The following RCAN2 variants were observed in gnomAD, a reference collection of about 807,000 sequenced individuals.
The protein encoded by RCAN2 is calcipressin-2.
In RCAN2, 9 loss-of-function variants were observed where a neutral mutation model predicts 23.6. That is an observed-to-expected ratio of 0.38 (90% confidence interval 0.23 to 0.67). The LOEUF (loss-of-function observed/expected upper bound fraction) is 0.67. Among genes scored for constraint, RCAN2 ranks in the 30% least tolerant of loss-of-function variants. The pLI is 0.51. For synonymous variants in RCAN2, 109 were observed against 115.7 expected (o/e 0.94, Z 0.37); for missense variants, 273 against 302.3 (o/e 0.90, Z 0.72).
At chr6:46,388,912 A>G (rs1180621154) in intron 2 of RCAN2, among the ~76,000 whole-genome samples, 1 of 152,186 alleles carries the variant, frequency 6.6e-6, no homozygotes, top group Non-Finnish European at 1.5e-5. Flanking sequence ...GCGTATACCT[A>G]TGTAACAAAC....
intron 1 of RCAN2, among the ~76,000 whole-genome samples, chr6:46,476,929 G>A (rs1454160479): frequency 6.6e-6 from 1 of 152,176 alleles, no homozygotes; most frequent in African/African-American, 2.4e-5. Context: ...GAAAGGAACT[G>A]AAGGTTGGGT....
At chr6:46,406,063 G>A (rs1413258400) in intron 2 of RCAN2, among the ~76,000 whole-genome samples, 3 of 152,188 alleles carry the variant, frequency 2.0e-5, no homozygotes, top group South Asian at 2.1e-4. Context: ...CTCCGAATGC[G>A]GGGCCCGCCA....
intron 4 of RCAN2, among the ~76,000 whole-genome samples, chr6:46,246,419 G>C (rs1003529104): frequency 2.0e-5 from 3 of 152,134 alleles, no homozygotes; most frequent in Non-Finnish European, 4.4e-5. Context: ...CATTTTGTCT[G>C]TTCTGAGGAA....
intron 2 of RCAN2, among the ~76,000 whole-genome samples, chr6:46,313,037 C>T (rs976348996): frequency 2.0e-5 from 3 of 152,176 alleles, no homozygotes; most frequent in Admixed American, 1.3e-4. Context: ...TGTAATACTA[C>T]GTTCATCCAG....
Position 46,222,996 on chromosome 6 carries a change from C to A in RCAN2, c.*145G>T. The A allele has an allele frequency of 1.3e-6, 1 of 782,610 alleles. No individual in the cohort carries two copies. Among genetic ancestry groups the A allele is most frequent in the East Asian group, 2.5e-5 (1 of 39,974 alleles). 48.5% of individuals were successfully genotyped at this position (782,610 alleles called of 1,614,324 possible). A position where few individuals can be genotyped will look rare whatever the true frequency, so the allele number is the denominator to read the frequency against. Reference sequence around the variant, plus strand: ...AGGAGACATATCACCTTTTCCTAGCCCTTTTGTCCGAGAGGCTTGATAACA... The same window carrying A: ...AGGAGACATATCACCTTTTCCTAGCACTTTTGTCCGAGAGGCTTGATAACA... On this transcript the variant is annotated 3_prime_UTR_variant, in exon 5 of 5. Coordinates refer to ENST00000371374, the MANE Select transcript of RCAN2 (RefSeq NM_001251974.2).
At chr6:46,396,965 G>C (rs1257649964) in intron 2 of RCAN2, among the ~76,000 whole-genome samples, 1 of 151,932 alleles carries the variant, frequency 6.6e-6, no homozygotes, top group Non-Finnish European at 1.5e-5. Context: ...ACAAAAATTA[G>C]CTGGGTGTGG....
intron 2 of RCAN2, among the ~76,000 whole-genome samples, chr6:46,384,519 A>G (rs2150395031): frequency 6.6e-6 from 1 of 152,318 alleles, no homozygotes; most frequent in East Asian, 1.9e-4. Flanking sequence ...CCTAAGGCCA[A>G]TGTAATTTTT....
intron 2 of RCAN2, among the ~76,000 whole-genome samples, chr6:46,292,437 T>G (rs200344827): frequency 2.2e-4 from 4 of 17,942 alleles, no homozygotes; most frequent in Admixed American, 1.1e-3. Context: ...TTTTTTTTTT[T>G]GTTTTTTTTT....
chr6:46,366,384 C>T (rs2150386583), intron 2 of RCAN2, among the ~76,000 whole-genome samples: 1 of 152,208 alleles, frequency 6.6e-6, no homozygotes, highest in Non-Finnish European at 1.5e-5. Flanking sequence ...TTCTCTGAGG[C>T]CCCTCCAGGC....
chr6:46,253,101 A>G (rs1462708147), intron 2 of RCAN2, among the ~76,000 whole-genome samples: 2 of 152,184 alleles, frequency 1.3e-5, no homozygotes, highest in African/African-American at 4.8e-5. Flanking sequence ...AACTTTTCCA[A>G]CTTGACCAAT....
At chr6:46,437,226 G>A (rs1285252287) in intron 2 of RCAN2, among the ~76,000 whole-genome samples, 1 of 152,140 alleles carries the variant, frequency 6.6e-6, no homozygotes, top group East Asian at 1.9e-4. Flanking sequence ...TTCTGGGCTT[G>A]CTCAATCCTT....
intron 4 of RCAN2, among the ~76,000 whole-genome samples, chr6:46,241,548 A>C (rs1188510137): frequency 6.6e-6 from 1 of 152,232 alleles, no homozygotes; most frequent in Non-Finnish European, 1.5e-5. Flanking sequence ...TGGGTGCCAA[A>C]AAGTAGAGAA....
intron 2 of RCAN2, among the ~76,000 whole-genome samples, chr6:46,267,859 A>G (rs891468701): frequency 6.6e-5 from 10 of 152,140 alleles, no homozygotes; most frequent in African/African-American, 2.4e-4. Context: ...AAATCAGAAG[A>G]TGTTATAATA....
chr6:46,225,221 T>C (rs1356020886), intron 4 of RCAN2, among the ~76,000 whole-genome samples: 1 of 152,210 alleles, frequency 6.6e-6, no homozygotes, highest in Non-Finnish European at 1.5e-5. Context: ...TTTGCTATTG[T>C]GAATAGTGCC....
intron 2 of RCAN2, among the ~76,000 whole-genome samples, chr6:46,391,149 C>T (rs1177123347): frequency 1.3e-5 from 2 of 152,190 alleles, no homozygotes; most frequent in Non-Finnish European, 2.9e-5. Context: ...GCCTCAGTTT[C>T]CTCATAAGTG....
At chr6:46,478,084 G>A (rs539038463) in intron 1 of RCAN2, among the ~76,000 whole-genome samples, 6 of 152,284 alleles carry the variant, frequency 3.9e-5, no homozygotes, top group South Asian at 4.2e-4. Context: ...AGGATGCTAC[G>A]ATGATTTCTT....
chr6:46,259,261 AC>A (rs1486876980), intron 2 of RCAN2, among the ~76,000 whole-genome samples: 2 of 152,174 alleles, frequency 1.3e-5, no homozygotes, highest in Non-Finnish European at 2.9e-5. Context: ...AAGAATGAGA[AC>A]AAAAATAAGA....
intron 2 of RCAN2, among the ~76,000 whole-genome samples, chr6:46,259,824 G>A (rs2584078): frequency 0.8 from 121,076 of 152,172 alleles, 48,428 homozygotes; most frequent in Non-Finnish European, 0.81. Context: ...AATGGCTTAC[G>A]GAACTTAGGG....
At chr6:46,269,085 T>A (rs1269735641) in intron 2 of RCAN2, among the ~76,000 whole-genome samples, 1 of 152,248 alleles carries the variant, frequency 6.6e-6, no homozygotes, top group East Asian at 1.9e-4. Flanking sequence ...GCTCTTATTG[T>A]GTCTTTGTTC....
Sources: gnomAD v4.1 joint callset for allele counts (sites outside exome capture counted in the v4.1 genomes callset) on GRCh38, gnomAD v4.1.1 for gene constraint, MANE v1.5 for transcripts, NCBI Gene and HGNC (gene_info 2026-07-23, HGNC 2026-07-21) for gene names.